TACC2: variants seen among roughly 807,000 people sequenced by gnomAD.
TACC2 encodes transforming acidic coiled-coil-containing protein 2.
A neutral mutation model predicts 227.3 loss-of-function variants in TACC2; 137 were observed. That is an observed-to-expected ratio of 0.60 (90% CI 0.52 to 0.69). The LOEUF is 0.69. TACC2 is among the 30% of genes least tolerant of loss of function. The pLI is 0.00. For missense variants in TACC2, 3,470 were observed against 3,694.4 expected (o/e 0.94, Z 1.57); for synonymous variants, 1,523 against 1,487.5 (o/e 1.02, Z -0.55).
intron 8 of TACC2, among the ~76,000 whole-genome samples, chr10:122,203,863 G>A (rs2094990759): frequency 6.6e-6 from 1 of 150,842 alleles, no homozygotes; most frequent in Admixed American, 6.6e-5. Context: ...TCCAGCCTTG[G>A]CACCATTGAG....
chr10:122,008,020 G>T (rs984663164), intron 1 of TACC2, among the ~76,000 whole-genome samples: 1 of 152,084 alleles, frequency 6.6e-6, no homozygotes, highest in Non-Finnish European at 1.5e-5. Context: ...AGCCCTCACC[G>T]CGTGTGGCTC....
In TACC2 at chr10:122,164,088, T is replaced by C; in HGVS notation, c.5834+20382T>C. 5 of 1,433,880 alleles carry C rather than the reference T, an allele frequency of 3.5e-6. No homozygotes were observed. The South Asian group carries it at 5.1e-5, about 14-fold the overall frequency. 88.8% of individuals were successfully genotyped at this position (1,433,880 alleles called of 1,614,324 possible). ...CGCCTTTCCTAATGCCTGTGCAACC[T>C]GGAGCCCAGGCTGGCCTGGGGTTCT... On this transcript the variant is annotated intron_variant, in intron 7 of 22. Coordinates refer to ENST00000369005, the MANE Select transcript of TACC2 (RefSeq NM_206862.4).
chr10:122,160,977 C>T (rs770731182), intron 7 of TACC2, among the ~76,000 whole-genome samples: 1 of 152,094 alleles, frequency 6.6e-6, no homozygotes, highest in Non-Finnish European at 1.5e-5. Context: ...GGGTCTCGCT[C>T]TGTCACCCAG....
chr10:122,086,906 G>T lies in TACC2; in HGVS notation c.4406G>T (p.Arg1469Leu). The change falls in exon 4 of 23, where the codon CGA becomes CTA. Residue 1469 changes from arginine (R) to leucine (L), a missense_variant. Physicochemically the swap from Arg to Leu is moderately radical, Grantham distance 102. Around this residue, in one of 10 missense-constraint regions of TACC2, gnomAD observed 1,924 missense variants for 1,978.3 expected, o/e 0.97. Coordinates refer to ENST00000369005, the MANE Select transcript of TACC2 (RefSeq NM_206862.4). The part of the protein sequence containing the change: ...DVTLLPAPPA[R>L]LQVEKKQQLA... ...ACCCTTCTCCCTGCACCTCCTGCTCGACTCCAGGTGGAGAAGAAGCAACAG... is the reference window on the plus strand; with the variant it reads ...ACCCTTCTCCCTGCACCTCCTGCTCTACTCCAGGTGGAGAAGAAGCAACAG... The T allele has an allele frequency of 6.2e-7, 1 of 1,613,940 alleles. No homozygotes were observed. Among genetic ancestry groups the T allele is most frequent in the South Asian group, 1.1e-5 (1 of 91,078 alleles).
At chr10:122,068,665 C>T (rs562459615) in intron 3 of TACC2, among the ~76,000 whole-genome samples, 190 of 59,186 alleles carry the variant, frequency 3.2e-3, no homozygotes, top group African/African-American at 6.7e-3. Context: ...ATTGCTCCTC[C>T]GAAACCTTTT....
intron 3 of TACC2, among the ~76,000 whole-genome samples, chr10:122,077,642 C>G (rs897634570): frequency 1.3e-5 from 2 of 152,196 alleles, no homozygotes; most frequent in African/African-American, 2.4e-5. Context: ...AGCTGTTGGT[C>G]TGGCCACAGC....
intron 2 of TACC2, among the ~76,000 whole-genome samples, chr10:122,043,146 C>A (rs2074507761): frequency 6.6e-6 from 1 of 152,144 alleles, no homozygotes; most frequent in Non-Finnish European, 1.5e-5. Flanking sequence ...CTGACCTCAT[C>A]CAATTCTCTT....
intron 11 of TACC2, among the ~76,000 whole-genome samples, chr10:122,224,378 G>A (rs1056883728): frequency 6.6e-6 from 1 of 152,134 alleles, no homozygotes; most frequent in Non-Finnish European, 1.5e-5. Context: ...GAGGAAACCC[G>A]CACCCAGAAT....
At chr10:122,072,688 C>T (rs2078217637) in intron 3 of TACC2, among the ~76,000 whole-genome samples, 1 of 152,208 alleles carries the variant, frequency 6.6e-6, no homozygotes, top group African/African-American at 2.4e-5. Flanking sequence ...GTGCAGGTGT[C>T]AACCTACGTG....
chr10:122,094,682 C>G (rs570327004), intron 5 of TACC2, among the ~76,000 whole-genome samples: 12 of 152,232 alleles, frequency 7.9e-5, no homozygotes, highest in Non-Finnish European at 1.5e-4. Context: ...GTGGCTGGGA[C>G]AGGCATGCCA....
chr10:122,087,931 T>A lies in TACC2; in HGVS notation c.5431T>A (p.Leu1811Met), dbSNP rs751080448. 5 of 1,510,188 alleles carry A rather than the reference T, an allele frequency of 3.3e-6. No individual in the cohort carries two copies. Among genetic ancestry groups the A allele is most frequent in the Admixed American group, 4.6e-5 (2 of 43,582 alleles). The allele number at this position is 1,510,188 out of a possible 1,614,324, so 93.5% of individuals were successfully genotyped here. ...DETHDPKLQH[L>M]APEELHTDRE... is the part of the protein sequence containing the mutation. Reference sequence around the variant, plus strand: ...AACTCACGACCCGAAGCTGCAACATTTGGCTCCAGAAGAGCTCCACACTGA... The same window carrying A: ...AACTCACGACCCGAAGCTGCAACATATGGCTCCAGAAGAGCTCCACACTGA... Residue 1811 changes from leucine to methionine, a missense_variant, in exon 4 of 23, where the codon TTG (leucine) becomes ATG (methionine). By Grantham distance (15) the Leu-to-Met change is conservative. Coordinates refer to ENST00000369005, the MANE Select transcript of TACC2 (RefSeq NM_206862.4).
chr10:122,115,963 C>T (rs1036586776), intron 5 of TACC2, among the ~76,000 whole-genome samples: 7 of 152,088 alleles, frequency 4.6e-5, no homozygotes, highest in Non-Finnish European at 8.8e-5. Flanking sequence ...TCATTTATCC[C>T]CTTGTGACCA....
intron 3 of TACC2, among the ~76,000 whole-genome samples, chr10:122,058,894 GTT>G (rs34253781): frequency 1.0e-3 from 141 of 136,736 alleles, no homozygotes; most frequent in East Asian, 1.3e-3. Context: ...CCCTCTGTGT[GTT>G]TTTTTTTTTT....
At chr10:122,116,022 C>T (rs2084639419) in intron 5 of TACC2, among the ~76,000 whole-genome samples, 3 of 152,076 alleles carry the variant, frequency 2.0e-5, no homozygotes, top group South Asian at 2.1e-4. Context: ...TTTTCTGCCT[C>T]TCCCCTATTG....
intron 22 of TACC2, among the ~76,000 whole-genome samples, chr10:122,250,142 G>A (rs892816282): frequency 1.3e-5 from 2 of 152,192 alleles, no homozygotes; most frequent in Admixed American, 1.3e-4. Flanking sequence ...CTGAGCTTGT[G>A]CGCAGGTTTC....
chr10:122,079,383 C>T (rs1364547711), intron 3 of TACC2, among the ~76,000 whole-genome samples: 2 of 152,192 alleles, frequency 1.3e-5, no homozygotes, highest in African/African-American at 4.8e-5. Context: ...ATCTGTCTTC[C>T]GTGACCATTT....
intron 1 of TACC2, among the ~76,000 whole-genome samples, chr10:122,015,242 T>C (rs1956441989): frequency 1.3e-5 from 2 of 151,886 alleles, no homozygotes; most frequent in South Asian, 2.1e-4. Flanking sequence ...CGGTGGCTCA[T>C]GCTTGTAATC....
chr10:122,076,386 G>T (rs114398324), intron 3 of TACC2, among the ~76,000 whole-genome samples: 2,864 of 152,240 alleles, frequency 0.019, 90 homozygotes, highest in African/African-American at 0.066. Context: ...TAAGTTTGGG[G>T]ATTAAGTTTC....
chr10:122,203,541 G>T (rs1329856738), intron 8 of TACC2, among the ~76,000 whole-genome samples: 1 of 150,958 alleles, frequency 6.6e-6, no homozygotes. Context: ...GGGCAGAGAC[G>T]CTCCTCACAT....
Sources: allele counts gnomAD v4.1 joint callset (sites outside exome capture counted in the v4.1 genomes callset), GRCh38; gene constraint gnomAD v4.1.1; regional missense constraint gnomAD v4.1.1; transcripts MANE v1.5; gene names NCBI Gene and HGNC (gene_info 2026-07-23, HGNC 2026-07-21).